The following SLC26A3 variants were observed in gnomAD, a reference collection of about 807,000 sequenced individuals.
The protein encoded by SLC26A3 is solute carrier family 26 member 3, also known as chloride anion exchanger.
In SLC26A3, 64 loss-of-function variants were observed where a neutral mutation model predicts 85.6. That is an observed-to-expected ratio of 0.75 (90% confidence interval 0.61 to 0.92). The LOEUF (loss-of-function observed/expected upper bound fraction) is 0.92. Among genes scored for constraint, SLC26A3 ranks in the 40% least tolerant of loss-of-function variants. The pLI is 0.00. For synonymous variants in SLC26A3, 349 were observed against 336.0 expected (o/e 1.04, Z -0.42); for missense variants, 922 against 927.3 (o/e 0.99, Z 0.07).
At chr7:107,797,739 C>CATTTTTTTTTTTTTTT (rs781396459) in intron 1 of SLC26A3, among the ~76,000 whole-genome samples, 10 of 70,534 alleles carry the variant, frequency 1.4e-4, no homozygotes, top group African/African-American at 8.3e-4. Context: ...TTGAGCAGGA[C>CATTTTTTTTTTTTTTT]CTTTTTTTTT....
intron 18 of SLC26A3, among the ~76,000 whole-genome samples, chr7:107,768,835 G>A (rs1286471711): frequency 1.3e-5 from 2 of 152,188 alleles, no homozygotes; most frequent in Non-Finnish European, 2.9e-5. Context: ...AAGGTACACA[G>A]TTATGAAGAT....
chr7:107,771,522 A>T (rs1794030706), intron 18 of SLC26A3, among the ~76,000 whole-genome samples: 1 of 152,108 alleles, frequency 6.6e-6, no homozygotes, highest in African/African-American at 2.4e-5. Context: ...GATGTTTGAG[A>T]GGTAGGAGGT....
At chr7:107,776,061 A>G in intron 15 of SLC26A3, 1 of 298,804 alleles carries the variant, frequency 3.3e-6, no homozygotes, top group Non-Finnish European at 6.4e-6. Context: ...TTCATTTACA[A>G]CTGTTATACT....
At chr7:107,801,477 A>C (rs543010690) in intron 1 of SLC26A3, among the ~76,000 whole-genome samples, 16 of 152,216 alleles carry the variant, frequency 1.1e-4, no homozygotes, top group Non-Finnish European at 1.9e-4. Context: ...CTTGCTTCTC[A>C]ACAAAGTGAC....
chr7:107,776,205 C>T (rs1794111907), intron 15 of SLC26A3: 2 of 516,628 alleles, frequency 3.9e-6, no homozygotes, highest in South Asian at 4.7e-5. Flanking sequence ...TTTTACTCTA[C>T]ATCAGAATTT....
At chr7:107,769,532 C>T (rs955939527) in intron 18 of SLC26A3, among the ~76,000 whole-genome samples, 4 of 152,004 alleles carry the variant, frequency 2.6e-5, no homozygotes, top group African/African-American at 7.3e-5. Flanking sequence ...ATGATGAGAA[C>T]GTATGGACAC....
chr7:107,773,861 A>AT (rs373192955), intron 17 of SLC26A3, 59 bp downstream of exon 17: 3,386 of 1,309,542 alleles, frequency 2.6e-3, no homozygotes, highest in East Asian at 3.6e-3. Context: ...CACAAATACA[A>AT]TTTTTTTTTT....
At position 107,789,621 on chromosome 7, in the gene SLC26A3, A is replaced by T; in HGVS notation, c.638T>A (p.Phe213Tyr). Residue 213 changes from phenylalanine to tyrosine, a missense_variant, in exon 6 of 21, where the codon TTC (phenylalanine) becomes TAC (tyrosine). Phe to Tyr is a conservative substitution (Grantham distance 22). Coordinates refer to ENST00000340010, the MANE Select transcript of SLC26A3 (RefSeq NM_000111.3). ...IYLSESLISG[F>Y]TTAAAVHVLV... ...AACATGAACAGCAGCAGCAGTAGTGAAGCCACTGATGAGGGACTCAGACAG... is the reference window on the plus strand; with the variant it reads ...AACATGAACAGCAGCAGCAGTAGTGTAGCCACTGATGAGGGACTCAGACAG... The T allele has an allele frequency of 2.5e-6, 4 of 1,614,012 alleles. No homozygotes were observed. The highest frequency in any genetic ancestry group is 3.4e-6 in the Non-Finnish European group (4 of 1,179,912).
intron 18 of SLC26A3, among the ~76,000 whole-genome samples, chr7:107,770,764 A>G (rs568420896): frequency 7.2e-5 from 11 of 152,314 alleles, no homozygotes; most frequent in South Asian, 2.1e-4. Flanking sequence ...ATCATGTCCT[A>G]GGATCTAGGG....
intron 1 of SLC26A3, among the ~76,000 whole-genome samples, chr7:107,795,716 T>A (rs1032280038): frequency 6.6e-6 from 1 of 152,190 alleles, no homozygotes; most frequent in South Asian, 2.1e-4. Context: ...ACATTCCAAC[T>A]AACTGCTAGC....
chr7:107,800,023 C>T (rs1173639777), intron 1 of SLC26A3, among the ~76,000 whole-genome samples: 2 of 152,250 alleles, frequency 1.3e-5, no homozygotes, highest in Admixed American at 6.5e-5. Flanking sequence ...CCTAGAATGA[C>T]ATACAAGGTC....
chr7:107,802,056 C>A (rs1794608493), intron 1 of SLC26A3, among the ~76,000 whole-genome samples: 1 of 147,698 alleles, frequency 6.8e-6, no homozygotes, highest in Non-Finnish European at 1.5e-5. Context: ...TGTGCCACTG[C>A]ACTCCAGCCT....
chr7:107,780,452 G>C (rs923338111), intron 11 of SLC26A3, among the ~76,000 whole-genome samples: 2 of 152,126 alleles, frequency 1.3e-5, no homozygotes, highest in Non-Finnish European at 2.9e-5. Flanking sequence ...TGATAGTTAA[G>C]GTGAAAAATG....
At chr7:107,798,585 G>A (rs1004593787) in intron 1 of SLC26A3, among the ~76,000 whole-genome samples, 1 of 152,144 alleles carries the variant, frequency 6.6e-6, no homozygotes, top group Non-Finnish European at 1.5e-5. Flanking sequence ...GCTAGGATTT[G>A]TCTTTAATTA....
intron 20 of SLC26A3, 61 bp downstream of exon 20, chr7:107,767,518 C>A (rs1386050912): frequency 7.6e-7 from 1 of 1,311,922 alleles, no homozygotes; most frequent in African/African-American, 1.4e-5. Context: ...GGCCTCACTA[C>A]TTTGAAGGTT....
At chr7:107,784,244 A>G (rs946263601) in intron 8 of SLC26A3, among the ~76,000 whole-genome samples, 1 of 152,236 alleles carries the variant, frequency 6.6e-6, no homozygotes, top group African/African-American at 2.4e-5. Flanking sequence ...ATCTGATGCC[A>G]TTATAAATCC....
At chr7:107,788,809 T>A (rs1413368199) in intron 6 of SLC26A3, among the ~76,000 whole-genome samples, 1 of 144,850 alleles carries the variant, frequency 6.9e-6, no homozygotes, top group Non-Finnish European at 1.5e-5. Flanking sequence ...TTTGAGACTA[T>A]GTCTCGCTCT....
intron 11 of SLC26A3, 80 bp downstream of exon 11, chr7:107,782,717 A>G: frequency 6.3e-6 from 8 of 1,277,016 alleles, no homozygotes; most frequent in African/African-American, 1.5e-5. Context: ...CCCCTAGTTT[A>G]GTTTGTGCTT....
chr7:107,773,189 A>G (rs1178405108), intron 17 of SLC26A3, among the ~76,000 whole-genome samples: 1 of 152,236 alleles, frequency 6.6e-6, no homozygotes, highest in Non-Finnish European at 1.5e-5. Flanking sequence ...GGTTTTAGCC[A>G]AGTGAAATTT....
Sources: allele counts gnomAD v4.1 joint callset (sites outside exome capture counted in the v4.1 genomes callset), GRCh38; gene constraint gnomAD v4.1.1; transcripts MANE v1.5; gene names NCBI Gene and HGNC (gene_info 2026-07-23, HGNC 2026-07-21).